The following ABL2 variants were observed in gnomAD, a reference collection of about 807,000 sequenced individuals.
ABL2 encodes the protein tyrosine-protein kinase ABL2.
A neutral mutation model predicts 107.7 loss-of-function variants in ABL2; 49 were observed. The observed-to-expected ratio is 0.45, with a 90% CI of 0.36 to 0.58. ABL2 has a LOEUF of 0.58. ABL2 is among the 20% of genes least tolerant of loss of function. The pLI, the probability that ABL2 is intolerant of heterozygous loss-of-function variation, is 0.00. For synonymous variants in ABL2, 549 were observed against 548.6 expected (o/e 1.00, Z -0.01); for missense variants, 1,245 against 1,457.0 (o/e 0.85, Z 2.37).
chr1:179,150,066 TA>T (rs200157661), intron 1 of ABL2, among the ~76,000 whole-genome samples: 19 of 150,520 alleles, frequency 1.3e-4, no homozygotes, highest in African/African-American at 2.7e-4. Context: ...ACCCCATCTC[TA>T]AAAAAAAAAT....
At chr1:179,129,784 A>G (rs1656108843) in intron 3 of ABL2, among the ~76,000 whole-genome samples, 1 of 152,072 alleles carries the variant, frequency 6.6e-6, no homozygotes, top group African/African-American at 2.4e-5. Context: ...CATACATAAC[A>G]TGTATCATCC....
At chr1:179,219,620 T>C (rs1455242367) in intron 1 of ABL2, among the ~76,000 whole-genome samples, 1 of 152,198 alleles carries the variant, frequency 6.6e-6, no homozygotes, top group Non-Finnish European at 1.5e-5. Flanking sequence ...ACCCAGTCCC[T>C]AAGACAAAGA....
chr1:179,143,785 C>T (rs1657796265), intron 1 of ABL2, among the ~76,000 whole-genome samples: 1 of 152,242 alleles, frequency 6.6e-6, no homozygotes, highest in Admixed American at 6.5e-5. Context: ...CAACCTCTAC[C>T]TCACGGGTTC....
intron 9 of ABL2, among the ~76,000 whole-genome samples, chr1:179,113,480 A>G (rs1372721592): frequency 1.3e-5 from 2 of 152,226 alleles, no homozygotes; most frequent in South Asian, 4.1e-4. Context: ...TCAATGAGGA[A>G]ACAACACAGA....
At chr1:179,168,978 A>G (rs1426505755) in intron 1 of ABL2, among the ~76,000 whole-genome samples, 1 of 152,206 alleles carries the variant, frequency 6.6e-6, no homozygotes, top group East Asian at 1.9e-4. Flanking sequence ...ATATCCACAG[A>G]GGATGATATA....
In ABL2 at chr1:179,206,869, G is replaced by A. The variant is rs190611931; in HGVS notation, c.157+22372C>T. Among the ~76,000 whole-genome samples, 1,500 of 152,284 alleles carry A rather than the reference G, an allele frequency of 9.9e-3. 19 individuals carry two copies. Among genetic ancestry groups the A allele is most frequent in the Non-Finnish European group, 0.016 (1,072 of 68,022 alleles). On this transcript the variant is annotated intron_variant, in intron 1 of 11. Transcript: ENST00000502732. The stretch of plus-strand genomic sequence containing the variant: ...TAGATTGAGAATTCTCTTGATAAAG[G>A]AGCTGAGCAGCCATTACACTCCACA...
chr1:179,130,516 G>A (rs754574559), intron 3 of ABL2, among the ~76,000 whole-genome samples: 5 of 152,178 alleles, frequency 3.3e-5, no homozygotes, highest in Non-Finnish European at 5.9e-5. Flanking sequence ...ATCTTACCTT[G>A]TTGTGGACCA....
chr1:179,147,214 T>G (rs1419766729), intron 1 of ABL2, among the ~76,000 whole-genome samples: 2 of 82,632 alleles, frequency 2.4e-5, no homozygotes, highest in South Asian at 4.0e-4. Context: ...AAAAACCAAC[T>G]GATGTTGGCA....
intron 1 of ABL2, among the ~76,000 whole-genome samples, chr1:179,145,451 C>T (rs1310022771): frequency 1.3e-5 from 2 of 152,042 alleles, no homozygotes; most frequent in Middle Eastern, 3.4e-3. Context: ...TCTAAAATAA[C>T]AATAAACCCA....
intron 1 of ABL2, among the ~76,000 whole-genome samples, chr1:179,189,347 T>C (rs754728697): frequency 1.9e-4 from 29 of 152,180 alleles, no homozygotes; most frequent in Non-Finnish European, 3.7e-4. Context: ...TTGGCCAGGC[T>C]TATCTCAAAC....
intron 1 of ABL2, among the ~76,000 whole-genome samples, chr1:179,223,023 T>C (rs1329575365): frequency 6.7e-6 from 1 of 149,690 alleles, no homozygotes; most frequent in African/African-American, 2.5e-5. Context: ...GGCAGGTGAA[T>C]TGCTTGAACC....
chr1:179,198,693 C>CAAAAAAA (rs534990752), intron 1 of ABL2, among the ~76,000 whole-genome samples: 29 of 34,924 alleles, frequency 8.3e-4, no homozygotes, highest in African/African-American at 1.3e-3. Flanking sequence ...ACTCCATCTC[C>CAAAAAAA]AAAAAAAAAA....
chr1:179,174,109 G>A (rs530360674), intron 1 of ABL2, among the ~76,000 whole-genome samples: 4 of 152,212 alleles, frequency 2.6e-5, no homozygotes, highest in East Asian at 1.9e-4. Flanking sequence ...CCAACATGGT[G>A]AAACTCTGTC....
chr1:179,224,097 C>T (rs1203898593), intron 1 of ABL2, among the ~76,000 whole-genome samples: 1 of 132,400 alleles, frequency 7.6e-6, no homozygotes, highest in Admixed American at 8.6e-5. Flanking sequence ...CGCCAATGCA[C>T]TCCAGCCTGG....
chr1:179,187,589 TG>T, intron 1 of ABL2, among the ~76,000 whole-genome samples: 1 of 152,236 alleles, frequency 6.6e-6, no homozygotes, highest in Non-Finnish European at 1.5e-5. Context: ...CCATATTTCT[TG>T]AAATAAGGGA....
chr1:179,176,564 T>C (rs1161718494), intron 1 of ABL2, among the ~76,000 whole-genome samples: 1 of 152,226 alleles, frequency 6.6e-6, no homozygotes, highest in African/African-American at 2.4e-5. Context: ...AAGGCTGTTA[T>C]AAAGTTCTAT....
intron 1 of ABL2, among the ~76,000 whole-genome samples, chr1:179,223,143 G>A (rs1429598362): frequency 6.7e-6 from 1 of 148,860 alleles, no homozygotes; most frequent in African/African-American, 2.5e-5. Flanking sequence ...TCCAGATGCA[G>A]GGCCTCATGT....
At chr1:179,218,708 C>A (rs967291311) in intron 1 of ABL2, among the ~76,000 whole-genome samples, 5 of 152,154 alleles carry the variant, frequency 3.3e-5, no homozygotes, top group African/African-American at 1.2e-4. Flanking sequence ...AAGTACTCTT[C>A]TTAATCTCAC....
intron 1 of ABL2, among the ~76,000 whole-genome samples, chr1:179,171,655 T>C (rs904774387): frequency 2.0e-5 from 3 of 152,178 alleles, no homozygotes; most frequent in Admixed American, 6.5e-5. Flanking sequence ...CCCAAGTAGT[T>C]GGGACTATAG....
Sources: gnomAD v4.1 joint callset for allele counts (sites outside exome capture counted in the v4.1 genomes callset) on GRCh38, gnomAD v4.1.1 for gene constraint, MANE v1.5 for transcripts, NCBI Gene and HGNC (gene_info 2026-07-23, HGNC 2026-07-21) for gene names.